LHFPL3: variants seen among roughly 807,000 people sequenced by gnomAD.
LHFPL3 encodes the protein LHFPL tetraspan subfamily member 3 protein.
A neutral mutation model predicts 19.3 loss-of-function variants in LHFPL3; 5 were observed. The ratio of observed to expected loss-of-function variants is 0.26; its 90% confidence interval spans 0.14 to 0.54. The LOEUF is 0.54. Among genes scored for constraint, LHFPL3 ranks in the 20% least tolerant of loss-of-function variants. The pLI is 0.94. For synonymous variants in LHFPL3, 133 were observed against 126.2 expected (o/e 1.05, Z -0.36); for missense variants, 249 against 307.4 (o/e 0.81, Z 1.42).
chr7:104,540,521 C>A (rs1794466138), intron 1 of LHFPL3, among the ~76,000 whole-genome samples: 1 of 152,162 alleles, frequency 6.6e-6, no homozygotes, highest in African/African-American at 2.4e-5. Flanking sequence ...GGTTGAAGAA[C>A]ACTGGTCTGC....
chr7:104,758,658 G>T (rs1794324348), intron 2 of LHFPL3, among the ~76,000 whole-genome samples: 1 of 152,074 alleles, frequency 6.6e-6, no homozygotes, highest in African/African-American at 2.4e-5. Flanking sequence ...CAATTTTTCA[G>T]GCATAGAGTC....
intron 2 of LHFPL3, among the ~76,000 whole-genome samples, chr7:104,828,044 T>C (rs1434220779): frequency 6.6e-6 from 1 of 151,944 alleles, no homozygotes; most frequent in Non-Finnish European, 1.5e-5. Context: ...CCTCTTCGGC[T>C]CTGGCTGTCA....
intron 1 of LHFPL3, among the ~76,000 whole-genome samples, chr7:104,725,060 T>A (rs938684514): frequency 1.3e-5 from 2 of 152,224 alleles, no homozygotes; most frequent in Non-Finnish European, 2.9e-5. Context: ...TATTATTTCA[T>A]CTATCTTCTC....
At chr7:104,492,852 C>T (rs1793384634) in intron 1 of LHFPL3, among the ~76,000 whole-genome samples, 1 of 152,032 alleles carries the variant, frequency 6.6e-6, no homozygotes, top group African/African-American at 2.4e-5. Context: ...TCTTTGATCC[C>T]ACTCGTTCCT....
At chr7:104,456,450 C>T (rs1436750227) in intron 1 of LHFPL3, among the ~76,000 whole-genome samples, 1 of 152,212 alleles carries the variant, frequency 6.6e-6, no homozygotes, top group African/African-American at 2.4e-5. Context: ...ATTTCCAAGA[C>T]CCCCAGTGGA....
chr7:104,888,899 AAAAGTCAAGCTTACATCAG>A (rs1428132586), intron 2 of LHFPL3, among the ~76,000 whole-genome samples: 1 of 152,238 alleles, frequency 6.6e-6, no homozygotes, highest in Non-Finnish European at 1.5e-5. Flanking sequence ...CTGACTTTTG[AAAAGTCAAGCTTACATCAG>A]AAAGTCAGCA....
chr7:104,903,543 C>T (rs1014757117), intron 2 of LHFPL3, among the ~76,000 whole-genome samples: 3 of 150,988 alleles, frequency 2.0e-5, no homozygotes, highest in African/African-American at 7.3e-5. Context: ...CAGCTCACTG[C>T]AACCTCTGCC....
At chr7:104,772,958 T>C (rs1310190335) in intron 2 of LHFPL3, among the ~76,000 whole-genome samples, 2 of 152,212 alleles carry the variant, frequency 1.3e-5, no homozygotes, top group Non-Finnish European at 2.9e-5. Flanking sequence ...CTGCAAGAGA[T>C]GTGCTTGCTG....
chr7:104,736,496 C>G (rs1046760594), intron 1 of LHFPL3, among the ~76,000 whole-genome samples, 179 bp from the exon 2 acceptor site: 3 of 141,074 alleles, frequency 2.1e-5, no homozygotes, highest in Non-Finnish European at 4.6e-5. Context: ...CACACGTGCA[C>G]GTTTGCATGC....
chr7:104,727,749 GA>G (rs1036627015), intron 1 of LHFPL3, among the ~76,000 whole-genome samples: 77 of 150,936 alleles, frequency 5.1e-4, no homozygotes, highest in African/African-American at 1.5e-3. Flanking sequence ...AGAGAAAAAA[GA>G]AAAAAAAACT....
chr7:104,623,350 C>A (rs952175825), intron 1 of LHFPL3, among the ~76,000 whole-genome samples: 1 of 152,036 alleles, frequency 6.6e-6, no homozygotes, highest in Non-Finnish European at 1.5e-5. Context: ...TCTTCAAAGG[C>A]TGGGTGCAGT....
At chr7:104,500,805 A>G (rs1184336428) in intron 1 of LHFPL3, among the ~76,000 whole-genome samples, 1 of 152,196 alleles carries the variant, frequency 6.6e-6, no homozygotes, top group Non-Finnish European at 1.5e-5. Context: ...ATGTGATTGC[A>G]TACAGTTCTG....
chr7:104,337,144 T>C (rs1789825210), intron 1 of LHFPL3, among the ~76,000 whole-genome samples: 1 of 152,064 alleles, frequency 6.6e-6, no homozygotes. Context: ...ATGGGAAATG[T>C]GTATTATAAT....
intron 1 of LHFPL3, among the ~76,000 whole-genome samples, chr7:104,615,159 G>A (rs1025416344): frequency 2.0e-5 from 3 of 152,134 alleles, no homozygotes; most frequent in African/African-American, 4.8e-5. Context: ...ACATATATGA[G>A]CTGGCTCAAA....
At chr7:104,898,005 C>A (rs1460936076) in intron 2 of LHFPL3, among the ~76,000 whole-genome samples, 2 of 71,294 alleles carry the variant, frequency 2.8e-5, no homozygotes, top group African/African-American at 1.2e-4. Flanking sequence ...AAATGTCACC[C>A]CTTTTTTTTT....
intron 1 of LHFPL3, among the ~76,000 whole-genome samples, chr7:104,637,366 C>A (rs1169999691): frequency 6.6e-6 from 1 of 152,128 alleles, no homozygotes; most frequent in Non-Finnish European, 1.5e-5. Flanking sequence ...TTTTGCCATG[C>A]AGAAGCTCTT....
At chr7:104,341,668 C>CA (rs1327829256) in intron 1 of LHFPL3, among the ~76,000 whole-genome samples, 1 of 152,146 alleles carries the variant, frequency 6.6e-6, no homozygotes, top group Non-Finnish European at 1.5e-5. Context: ...GTAAGATGAG[C>CA]AGGATAGGGA....
chr7:104,425,421 T>C (rs1584311294), intron 1 of LHFPL3, among the ~76,000 whole-genome samples: 5 of 152,276 alleles, frequency 3.3e-5, no homozygotes, highest in African/African-American at 1.2e-4. Flanking sequence ...GTTAGAAATA[T>C]TGAATGAGAT....
intron 1 of LHFPL3, among the ~76,000 whole-genome samples, chr7:104,611,153 T>C (rs1298349189): frequency 6.6e-6 from 1 of 152,214 alleles, no homozygotes; most frequent in Non-Finnish European, 1.5e-5. Context: ...TCCTGGGTAG[T>C]GGCAGTGATG....
Sources: allele counts gnomAD v4.1 joint callset (sites outside exome capture counted in the v4.1 genomes callset), GRCh38; gene constraint gnomAD v4.1.1; transcripts MANE v1.5; gene names NCBI Gene and HGNC (gene_info 2026-07-23, HGNC 2026-07-21).